The following CTDSPL2 variants were observed in gnomAD, a reference collection of about 807,000 sequenced individuals.
CTDSPL2 encodes CTD small phosphatase-like protein 2.
CTDSPL2 carries 5 observed loss-of-function variants against 60.0 expected under a neutral mutation model. The ratio of observed to expected loss-of-function variants is 0.08; its 90% CI spans 0.04 to 0.18. CTDSPL2 has a LOEUF of 0.18. CTDSPL2 is among the 10% of genes least tolerant of loss of function. The pLI, the probability that CTDSPL2 is intolerant of heterozygous loss-of-function variation, is 1.00. For missense variants in CTDSPL2, 370 were observed against 548.8 expected, an observed-to-expected ratio of 0.67 and a Z score of 3.26; for synonymous variants, 186 against 189.3, an observed-to-expected ratio of 0.98 and a Z score of 0.14.
intron 1 of CTDSPL2, among the ~76,000 whole-genome samples, chr15:44,458,592 A>G (rs1032553149): frequency 4.6e-5 from 7 of 152,190 alleles, no homozygotes; most frequent in African/African-American, 2.4e-5. Flanking sequence ...CTTGTTTACT[A>G]TTTACTCAAT....
chr15:44,511,666 T>A (rs2081567288), intron 8 of CTDSPL2, among the ~76,000 whole-genome samples: 1 of 151,864 alleles, frequency 6.6e-6, no homozygotes, highest in Non-Finnish European at 1.5e-5. Flanking sequence ...TTCGAGAGTT[T>A]GAGACCAGCC....
chr15:44,486,775 T>A, intron 4 of CTDSPL2, 75 bp downstream of exon 4: 1 of 1,149,666 alleles, frequency 8.7e-7, no homozygotes, highest in Non-Finnish European at 1.2e-6. Flanking sequence ...TTTTTTTTTT[T>A]TCTTGAGACG....
At chr15:44,452,847 T>C (rs2080358344) in intron 1 of CTDSPL2, among the ~76,000 whole-genome samples, 1 of 152,174 alleles carries the variant, frequency 6.6e-6, no homozygotes, top group Non-Finnish European at 1.5e-5. Flanking sequence ...TGAAATATTT[T>C]CTCATATTTT....
chr15:44,487,785 G>GT (rs916852047), intron 4 of CTDSPL2, among the ~76,000 whole-genome samples: 111 of 152,204 alleles, frequency 7.3e-4, no homozygotes, highest in African/African-American at 2.5e-3. Context: ...GTTTTGTTTT[G>GT]TTTTTTTCCC....
intron 7 of CTDSPL2, among the ~76,000 whole-genome samples, chr15:44,498,468 C>A (rs2081337378): frequency 6.6e-6 from 1 of 152,130 alleles, no homozygotes; most frequent in African/African-American, 2.4e-5. Context: ...AGCGTGTAGT[C>A]CCAGCTACTC....
intron 5 of CTDSPL2, among the ~76,000 whole-genome samples, chr15:44,494,821 C>G (rs371678632): frequency 1.3e-5 from 2 of 151,004 alleles, no homozygotes; most frequent in East Asian, 4.0e-4. Context: ...GAGGCTGAGG[C>G]AGGAGATTTG....
Position 44,490,858 on chromosome 15 carries a change from G to A in CTDSPL2, c.550G>A (p.Val184Met), listed in dbSNP as rs1262391394. Residue 184 changes from valine to methionine, a missense_variant, in exon 5 of 13, where the codon GTG becomes ATG. Physicochemically the swap from Val to Met is conservative, Grantham distance 21 (BLOSUM62 1). This residue lies in a region of CTDSPL2 where 287 missense variants were observed against 296.1 expected (regional missense o/e 0.97). Coordinates refer to ENST00000260327, the MANE Select transcript of CTDSPL2 (RefSeq NM_016396.3). Reference sequence around the variant, plus strand: ...AGTAAAACAACTTGATATGGAACAGGTGGATGAGATCACTACCAGTACTAC... The same window carrying A: ...AGTAAAACAACTTGATATGGAACAGATGGATGAGATCACTACCAGTACTAC... ...EIVKQLDMEQVDEITTSTTTS... is the reference protein window; with the variant it reads ...EIVKQLDMEQMDEITTSTTTS... 6.2e-7 allele frequency: 1 copy of A among 1,614,004 alleles called. No individual in the cohort carries two copies. Among genetic ancestry groups the A allele is most frequent in the Admixed American group, 1.7e-5 (1 of 60,022 alleles).
chr15:44,448,563 C>T (rs950984507), intron 1 of CTDSPL2: 3 of 284,500 alleles, frequency 1.1e-5, no homozygotes, highest in East Asian at 1.0e-4. Context: ...CTAAGATTTC[C>T]TTTATTCTGC....
chr15:44,438,203 G>T (rs1329274154), intron 1 of CTDSPL2, among the ~76,000 whole-genome samples: 2 of 151,768 alleles, frequency 1.3e-5, no homozygotes, highest in Non-Finnish European at 1.5e-5. Flanking sequence ...GGTGGAGCTT[G>T]CAGTGAGCTG....
chr15:44,477,165 G>C (rs939124436), intron 2 of CTDSPL2, among the ~76,000 whole-genome samples: 7 of 152,140 alleles, frequency 4.6e-5, no homozygotes, highest in Non-Finnish European at 7.4e-5. Flanking sequence ...GGAGACAAAG[G>C]CTGCAGTGAG....
At chr15:44,474,050 A>G (rs141576923) in intron 2 of CTDSPL2, among the ~76,000 whole-genome samples, 1 of 152,276 alleles carries the variant, frequency 6.6e-6, no homozygotes, top group African/African-American at 2.4e-5. Context: ...CTGGTCTCCA[A>G]CTTCTGGGCT....
chr15:44,447,201 A>G (rs933623323), intron 1 of CTDSPL2, among the ~76,000 whole-genome samples: 1 of 152,262 alleles, frequency 6.6e-6, no homozygotes, highest in Non-Finnish European at 1.5e-5. Context: ...GTTAAGTGAA[A>G]TAACATGAGA....
intron 2 of CTDSPL2, among the ~76,000 whole-genome samples, chr15:44,475,034 GCATT>G (rs1227933348): frequency 6.6e-6 from 1 of 151,986 alleles, no homozygotes; most frequent in African/African-American, 2.4e-5. Flanking sequence ...TTGTTACCAT[GCATT>G]CACAGTAACA....
chr15:44,459,700 T>C (rs2080524038), intron 2 of CTDSPL2, among the ~76,000 whole-genome samples: 1 of 152,222 alleles, frequency 6.6e-6, no homozygotes, highest in South Asian at 2.1e-4. Flanking sequence ...CACGTAGCCT[T>C]CTGCTTTTTC....
chr15:44,454,498 G>T (rs575240855), intron 1 of CTDSPL2, among the ~76,000 whole-genome samples: 2 of 152,218 alleles, frequency 1.3e-5, no homozygotes, highest in Non-Finnish European at 2.9e-5. Context: ...TGAAGTCCTT[G>T]CCCATGCCTA....
intron 1 of CTDSPL2, among the ~76,000 whole-genome samples, chr15:44,437,680 C>G (rs1422387210): frequency 6.6e-6 from 1 of 152,078 alleles, no homozygotes. Context: ...TGAGTTAACT[C>G]GTGTGCCAGG....
chr15:44,503,182 A>G (rs1281445643), intron 8 of CTDSPL2, among the ~76,000 whole-genome samples: 1 of 152,164 alleles, frequency 6.6e-6, no homozygotes, highest in Non-Finnish European at 1.5e-5. Context: ...GCAAAATTAC[A>G]GGCTTTTTGT....
chr15:44,432,582 A>C (rs1595686008), intron 1 of CTDSPL2, among the ~76,000 whole-genome samples: 1 of 148,884 alleles, frequency 6.7e-6, no homozygotes, highest in African/African-American at 2.5e-5. Flanking sequence ...GGCGTCCCAA[A>C]GTGCTGGGAT....
chr15:44,476,583 AC>A (rs2080921409), intron 2 of CTDSPL2, among the ~76,000 whole-genome samples: 1 of 152,084 alleles, frequency 6.6e-6, no homozygotes, highest in Non-Finnish European at 1.5e-5. Context: ...AGGTTATAAT[AC>A]CATATTTTTA....
Sources: gnomAD v4.1 joint callset for allele counts (sites outside exome capture counted in the v4.1 genomes callset) on GRCh38, gnomAD v4.1.1 for gene constraint, gnomAD v4.1.1 regional missense constraint, MANE v1.5 for transcripts, NCBI Gene and HGNC (gene_info 2026-07-23, HGNC 2026-07-21) for gene names.